The following TRHDE variants were observed in gnomAD, a reference collection of about 807,000 sequenced individuals.
TRHDE encodes the protein thyrotropin-releasing hormone-degrading ectoenzyme.
A neutral mutation model predicts 125.7 loss-of-function variants in TRHDE; 72 were observed. The ratio of observed to expected loss-of-function variants is 0.57; its 90% CI spans 0.47 to 0.70. The LOEUF (loss-of-function observed/expected upper bound fraction) is 0.70, where lower values mean the gene tolerates loss of function less well. TRHDE is among the 30% of genes least tolerant of loss of function. The pLI, the probability that TRHDE is intolerant of heterozygous loss-of-function variation, is 0.00. For missense variants in TRHDE, 1,110 were observed against 1,327.1 expected (o/e 0.84, Z 2.54); for synonymous variants, 509 against 509.1 (o/e 1.00, Z 0.00).
chr12:72,273,432 G>C lies in TRHDE; in HGVS notation c.789G>C (p.Val263=), dbSNP rs772817293. The change falls in exon 1 of 19, where the codon GTG becomes GTC. Residue 263 remains valine (V), a synonymous_variant. Transcript: ENST00000261180. The surrounding 1 kb of genome is among the most constrained non-coding windows in gnomAD (Gnocchi z 5.3). ...FFLYPQTQVL[V]VVLNRTLDAQ... ...TCTACCCGCAAACCCAGGTCTTAGTGGTGGTGCTGAATAGGACACTGGACG... is the reference window on the plus strand; with the variant it reads ...TCTACCCGCAAACCCAGGTCTTAGTCGTGGTGCTGAATAGGACACTGGACG... 3.7e-6 allele frequency: 6 copies of C among 1,614,014 alleles called. No homozygotes were observed. In the Admixed American group the frequency reaches 1.0e-4, roughly 27 times the overall value.
At chr12:72,213,434 G>T (rs1877824695) in intron 2 of TRHDE, among the ~76,000 whole-genome samples, 1 of 152,120 alleles carries the variant, frequency 6.6e-6, no homozygotes, top group Admixed American at 6.5e-5. Context: ...TCTCTTAAAT[G>T]CTACAATAAA....
chr12:72,536,540 C>T (rs1868868781), intron 6 of TRHDE, among the ~76,000 whole-genome samples: 1 of 152,060 alleles, frequency 6.6e-6, no homozygotes, highest in Non-Finnish European at 1.5e-5. Flanking sequence ...CTCACTAGAA[C>T]AGGTCTGCAG....
intron 2 of TRHDE, chr12:72,147,861 A>C (rs1876264854): frequency 6.6e-6 from 1 of 152,238 alleles, no homozygotes; most frequent in Non-Finnish European, 1.5e-5. Context: ...TCATCTCTGA[A>C]CACCTGAAGT....
chr12:72,366,823 T>C (rs1871358102), intron 2 of TRHDE, among the ~76,000 whole-genome samples: 1 of 151,960 alleles, frequency 6.6e-6, no homozygotes, highest in African/African-American at 2.4e-5. Context: ...AGAGCAACTT[T>C]ATCAATGATA....
In TRHDE at chr12:72,091,225, C is replaced by A. The variant is rs139524648; in HGVS notation, n.174+3786C>A. Among the ~76,000 whole-genome samples the A allele has an allele frequency of 3.2e-3, 491 of 152,132 alleles. 1 individual carries two copies. The highest frequency in any genetic ancestry group is 0.012 in the African/African-American group (478 of 41,520). On this transcript the variant is annotated intron_variant and non_coding_transcript_variant, in intron 1 of 4. Coordinates refer to the TRHDE transcript ENST00000548156. ...CGAGTCTAGGCAGTGATTCCCAACC[C>A]TTTCTTGCATTATGGACCCCTCTGA...
At chr12:72,489,479 A>G (rs1877562755) in intron 5 of TRHDE, among the ~76,000 whole-genome samples, 1 of 151,900 alleles carries the variant, frequency 6.6e-6, no homozygotes, top group South Asian at 2.1e-4. Context: ...TTATGCACAG[A>G]AATAGAAGAA....
At chr12:72,550,990 T>C (rs913447523) in intron 7 of TRHDE, among the ~76,000 whole-genome samples, 2 of 152,068 alleles carry the variant, frequency 1.3e-5, no homozygotes, top group African/African-American at 2.4e-5. Context: ...TTCACTCTTT[T>C]CATTTATTCT....
chr12:72,159,940 T>A (rs1328960495), intron 2 of TRHDE, among the ~76,000 whole-genome samples: 1 of 152,178 alleles, frequency 6.6e-6, no homozygotes, highest in African/African-American at 2.4e-5. Context: ...TCTCATTTTA[T>A]AGCATTCTTG....
intron 2 of TRHDE, among the ~76,000 whole-genome samples, chr12:72,365,676 G>C (rs1039160651): frequency 6.6e-6 from 1 of 152,054 alleles, no homozygotes; most frequent in African/African-American, 2.4e-5. Flanking sequence ...AACACACACT[G>C]TGCTCCCACA....
intron 2 of TRHDE, among the ~76,000 whole-genome samples, chr12:72,357,033 TA>T (rs577746742): frequency 1.4e-4 from 21 of 151,708 alleles, no homozygotes; most frequent in Admixed American, 1.2e-3. Flanking sequence ...CATAGTTGTT[TA>T]ATCTGTATTC....
intron 3 of TRHDE, among the ~76,000 whole-genome samples, chr12:72,449,184 C>A (rs1875449964): frequency 6.6e-6 from 1 of 151,990 alleles, no homozygotes; most frequent in African/African-American, 2.4e-5. Context: ...AGAATGCAGG[C>A]TTTCAGTAGC....
intron 15 of TRHDE, among the ~76,000 whole-genome samples, chr12:72,633,027 TCTGA>T (rs1320172435): frequency 6.6e-6 from 1 of 152,078 alleles, no homozygotes; most frequent in Admixed American, 6.6e-5. Context: ...CATCCCTCTT[TCTGA>T]CTATCCAATT....
rs182363107 is a variant in TRHDE at position 72,568,560 on chromosome 12, T to C, written c.2043-8T>C. On this transcript the variant is annotated splice_polypyrimidine_tract_variant and splice_region_variant and intron_variant, in intron 9 of 18. Transcript: ENST00000261180. ...TTTTATTCTTAAAGCTTGTCTTTTA[T>C]TTTGCAGTTACCTGTGGCAGATTCC... 1 of 1,598,332 alleles carries C rather than the reference T, an allele frequency of 6.3e-7. No homozygotes were observed.
intron 2 of TRHDE, among the ~76,000 whole-genome samples, chr12:72,320,223 T>C (rs1245575522): frequency 6.6e-6 from 1 of 152,110 alleles, no homozygotes; most frequent in Non-Finnish European, 1.5e-5. Context: ...TCAATATCCA[T>C]GGGGGATTTG....
chr12:72,403,338 T>C (rs1436435230), intron 3 of TRHDE, among the ~76,000 whole-genome samples: 1 of 152,242 alleles, frequency 6.6e-6, no homozygotes, highest in East Asian at 1.9e-4. Flanking sequence ...GTATTTATTT[T>C]TCAGACAAAA....
chr12:72,591,269 A>G (rs1871667230), intron 12 of TRHDE, among the ~76,000 whole-genome samples: 1 of 152,178 alleles, frequency 6.6e-6, no homozygotes, highest in Non-Finnish European at 1.5e-5. Flanking sequence ...GACACAACCA[A>G]TCCATATCAC....
chr12:72,295,561 A>G (rs990329423), intron 2 of TRHDE, among the ~76,000 whole-genome samples: 13 of 152,236 alleles, frequency 8.5e-5, no homozygotes, highest in African/African-American at 3.1e-4. Context: ...GGAAGGACAC[A>G]CACAATTTAC....
At chr12:72,232,373 A>G (rs1180561390) in intron 2 of TRHDE, among the ~76,000 whole-genome samples, 1 of 152,130 alleles carries the variant, frequency 6.6e-6, no homozygotes, top group Admixed American at 6.6e-5. Flanking sequence ...GGGCAGAGGA[A>G]TGCTGCCTCC....
At chr12:72,114,444 G>T (rs1875395024) in intron 2 of TRHDE, among the ~76,000 whole-genome samples, 2 of 152,136 alleles carry the variant, frequency 1.3e-5, no homozygotes, top group South Asian at 2.1e-4. Flanking sequence ...TATTCTTAAA[G>T]TAAGTACAGA....
Sources: gnomAD v4.1 joint callset for allele counts (sites outside exome capture counted in the v4.1 genomes callset) on GRCh38, gnomAD v4.1.1 for gene constraint, Gnocchi (gnomAD v3.1) non-coding constraint, MANE v1.5 for transcripts, NCBI Gene and HGNC (gene_info 2026-07-23, HGNC 2026-07-21) for gene names.